STK3: variants seen among roughly 807,000 people sequenced by gnomAD.
STK3 encodes serine/threonine kinase 3.
In STK3, 41 loss-of-function variants were observed where a neutral mutation model predicts 58.0. That is an observed-to-expected ratio of 0.71 (90% confidence interval 0.55 to 0.92). The LOEUF (loss-of-function observed/expected upper bound fraction) is 0.92. Among genes scored for constraint, STK3 ranks in the 40% least tolerant of loss-of-function variants. The pLI is 0.00. For synonymous variants in STK3, 170 were observed against 191.0 expected (o/e 0.89, Z 0.91); for missense variants, 479 against 602.7 (o/e 0.79, Z 2.15).
chr8:98,480,573 GAACA>G (rs1242983064), intron 10 of STK3, among the ~76,000 whole-genome samples: 1 of 152,000 alleles, frequency 6.6e-6, no homozygotes, highest in Non-Finnish European at 1.5e-5. Flanking sequence ...CATTCACCAA[GAACA>G]AACAAAAAAA....
chr8:98,414,409 G>A (rs1818091192), intron 3 of STK3, among the ~76,000 whole-genome samples: 1 of 152,086 alleles, frequency 6.6e-6, no homozygotes, highest in South Asian at 2.1e-4. Flanking sequence ...CAACAACTTA[G>A]CAATCCCAGA....
intron 3 of STK3, among the ~76,000 whole-genome samples, chr8:98,760,707 G>A (rs1342731853): frequency 1.4e-5 from 2 of 141,204 alleles, no homozygotes; most frequent in Non-Finnish European, 1.5e-5. Context: ...TCTTGTTCTC[G>A]TTTTCTTTTT....
Position 98,602,876 on chromosome 8 carries a change from T to TGA in STK3, c.685-6708_685-6707insTC, listed in dbSNP as rs1491559534. Among the ~76,000 whole-genome samples, 256 of 136,384 alleles carry TGA rather than the reference T, an allele frequency of 1.9e-3. 1 individual carries two copies. The highest frequency in any genetic ancestry group is 6.4e-3 in the African/African-American group (244 of 38,204). 89.5% of individuals were successfully genotyped at this position (136,384 alleles called of 152,430 possible). A position where few individuals can be genotyped will look rare whatever the true frequency, so the allele number is the denominator to read the frequency against. On this transcript the variant is annotated intron_variant, in intron 6 of 10. Transcript: ENST00000419617. Reference sequence around the variant, plus strand: ...AGCACATCAATTCCCTCCAAATAACTAAAAAAAAAAAAAAAGCCTAAGAAC... The same window carrying TGA: ...AGCACATCAATTCCCTCCAAATAACTGAAAAAAAAAAAAAAAAGCCTAAGAAC...
chr8:98,789,811 G>A (rs527775354), intron 1 of STK3, among the ~76,000 whole-genome samples: 18 of 152,230 alleles, frequency 1.2e-4, no homozygotes, highest in African/African-American at 3.9e-4. Context: ...TGGATCACCT[G>A]AGATCAGGAG....
Position 98,768,984 on chromosome 8 carries a change from T to TG in STK3, c.108-1614dup, listed in dbSNP as rs547429126. On this transcript the variant is annotated intron_variant, in intron 2 of 10. Coordinates refer to ENST00000419617, the MANE Select transcript of STK3 (RefSeq NM_006281.4). ...AGCTTTTGAGAAACACCCACTTCAG[T>TG]GCTTCAGGCTGAGATCTTCAATGCT... Among the ~76,000 whole-genome samples the TG allele has an allele frequency of 1.5e-4, 23 of 152,324 alleles. No homozygotes were observed. In the East Asian group the frequency reaches 3.3e-3, roughly 22 times the overall value.
At chr8:98,869,167 T>C (rs1295475955) in intron 3 of STK3, among the ~76,000 whole-genome samples, 2 of 152,156 alleles carry the variant, frequency 1.3e-5, no homozygotes, top group East Asian at 3.9e-4. Flanking sequence ...TTGCCCGTAG[T>C]CCCAGCACTT....
At chr8:98,701,138 C>G (rs897896993) in intron 6 of STK3, among the ~76,000 whole-genome samples, 1 of 147,592 alleles carries the variant, frequency 6.8e-6, no homozygotes, top group African/African-American at 2.5e-5. Flanking sequence ...CCACTGCACT[C>G]CTTCCTGCCT....
At chr8:98,803,486 C>A (rs998088763) in intron 1 of STK3, among the ~76,000 whole-genome samples, 17 of 148,556 alleles carry the variant, frequency 1.1e-4, no homozygotes, top group South Asian at 2.2e-4. Flanking sequence ...CCCAGCTACT[C>A]GGGAGGCTAA....
the STK3 span, among the ~76,000 whole-genome samples, chr8:98,344,909 A>G: frequency 2.0e-5 from 3 of 150,100 alleles, 1 homozygote; most frequent in Admixed American, 6.6e-5. Flanking sequence ...AAAAAAAAAA[A>G]AAAAAAAAAG....
the STK3 span, among the ~76,000 whole-genome samples, chr8:98,360,382 C>A: frequency 6.6e-6 from 1 of 152,180 alleles, no homozygotes; most frequent in Admixed American, 6.5e-5. Context: ...AAGGTGGGAC[C>A]TTCTTCCCTC....
intron 3 of STK3, among the ~76,000 whole-genome samples, chr8:98,415,779 A>G (rs185154756): frequency 1.6e-4 from 25 of 152,334 alleles, no homozygotes; most frequent in Non-Finnish European, 1.2e-4. Context: ...TGAACAGATG[A>G]TTTTTTGAAA....
chr8:98,658,185 A>G (rs957107757), intron 6 of STK3, among the ~76,000 whole-genome samples: 8 of 152,076 alleles, frequency 5.3e-5, no homozygotes, highest in African/African-American at 1.9e-4. Flanking sequence ...TCTATGGTAA[A>G]TAAGTTCAGC....
chr8:98,486,399 C>A (rs1822259529), intron 10 of STK3, among the ~76,000 whole-genome samples: 1 of 152,106 alleles, frequency 6.6e-6, no homozygotes. Context: ...GGAGTAAGAT[C>A]CAACAGAAAC....
intron 9 of STK3, among the ~76,000 whole-genome samples, chr8:98,532,526 T>C (rs1826237233): frequency 6.6e-6 from 1 of 152,154 alleles, no homozygotes; most frequent in Non-Finnish European, 1.5e-5. Flanking sequence ...TACCAAACTA[T>C]GACACAGAAA....
At chr8:98,932,861 CCCAGAGCCAAATT>C (rs1340108530) in intron 1 of STK3, among the ~76,000 whole-genome samples, 1 of 152,162 alleles carries the variant, frequency 6.6e-6, no homozygotes, top group Non-Finnish European at 1.5e-5. Context: ...ACCACTTTTT[CCCAGAGCCAAATT>C]CCAGCTTCAA....
intron 1 of STK3, among the ~76,000 whole-genome samples, chr8:98,790,300 G>A (rs766288330): frequency 1.2e-4 from 19 of 152,006 alleles, no homozygotes; most frequent in Non-Finnish European, 1.3e-4. Flanking sequence ...AACCAAATCC[G>A]ACAACATATC....
chr8:98,685,890 G>A (rs1340802229), intron 6 of STK3, among the ~76,000 whole-genome samples: 3 of 151,884 alleles, frequency 2.0e-5, no homozygotes, highest in Admixed American at 2.0e-4. Context: ...GAAGATAAGG[G>A]CAGGTTCAAG....
intron 1 of STK3, chr8:98,905,816 C>T (rs1428934838): frequency 4.7e-5 from 17 of 364,022 alleles, no homozygotes; most frequent in Admixed American, 1.1e-4. Flanking sequence ...TTCACAAATT[C>T]GGAGCCAGAG....
intron 6 of STK3, chr8:98,597,959 G>A (rs1815975430): frequency 2.0e-6 from 2 of 985,148 alleles, no homozygotes; most frequent in African/African-American, 3.5e-5. Context: ...TAAAAAATGA[G>A]TAAAATGGGG....
Sources: allele counts gnomAD v4.1 joint callset (sites outside exome capture counted in the v4.1 genomes callset), GRCh38; gene constraint gnomAD v4.1.1; transcripts MANE v1.5; gene names NCBI Gene and HGNC (gene_info 2026-07-23, HGNC 2026-07-21).